The following KDM5B variants were observed in gnomAD, a reference collection of about 807,000 sequenced individuals.
KDM5B encodes the protein lysine demethylase 5B, also known as lysine-specific demethylase 5B.
Under a neutral mutation model 193.4 loss-of-function variants are expected in KDM5B, and 144 were observed. The ratio of observed to expected loss-of-function variants is 0.74; its 90% CI spans 0.65 to 0.86. The LOEUF (loss-of-function observed/expected upper bound fraction) is 0.86, where lower values mean the gene tolerates loss of function less well. Among genes scored for constraint, KDM5B ranks in the 40% least tolerant of loss-of-function variants. KDM5B has a pLI of 0.00. For synonymous variants in KDM5B, 668 were observed against 682.6 expected, an observed-to-expected ratio of 0.98 and a Z score of 0.33; for missense variants, 1,833 against 1,886.9, an observed-to-expected ratio of 0.97 and a Z score of 0.53.
At chr1:202,804,182 T>A (rs994743656) in intron 1 of KDM5B, among the ~76,000 whole-genome samples, 5 of 152,194 alleles carry the variant, frequency 3.3e-5, no homozygotes, top group Non-Finnish European at 7.4e-5. Context: ...GTTGTACAAC[T>A]CTGAAAATAT....
intron 1 of KDM5B, among the ~76,000 whole-genome samples, chr1:202,780,822 C>T (rs1657167203): frequency 6.7e-6 from 1 of 149,922 alleles, no homozygotes; most frequent in Non-Finnish European, 1.5e-5. Context: ...ATATATGTGG[C>T]AAAAGCTGTA....
At chr1:202,737,674 A>G (rs1419339134) in intron 20 of KDM5B, among the ~76,000 whole-genome samples, 1 of 152,226 alleles carries the variant, frequency 6.6e-6, no homozygotes, top group Non-Finnish European at 1.5e-5. Flanking sequence ...AATACAGAGA[A>G]CAGAACACTC....
At chr1:202,773,335 A>G (rs1656799348) in intron 3 of KDM5B, 47 bp from the exon 4 acceptor site, 13 of 1,526,432 alleles carry the variant, frequency 8.5e-6, no homozygotes, top group Non-Finnish European at 1.2e-5. Flanking sequence ...AGTCACTTCT[A>G]ATCACATCTA....
chr1:202,776,441 C>A (rs1221317523), intron 2 of KDM5B, among the ~76,000 whole-genome samples: 1 of 152,024 alleles, frequency 6.6e-6, no homozygotes, highest in Non-Finnish European at 1.5e-5. Flanking sequence ...CTTTGGGAGG[C>A]AGAGGCAGGA....
chr1:202,756,554 C>A (rs978339864), intron 9 of KDM5B, 38 bp from the exon 10 acceptor site: 2 of 1,520,954 alleles, frequency 1.3e-6, no homozygotes, highest in Admixed American at 2.1e-5. Context: ...AGTTTCCTCA[C>A]AAACTGTCTG....
At chr1:202,806,728 A>T (rs2102357723) in intron 1 of KDM5B, 1 of 152,284 alleles carries the variant, frequency 6.6e-6, no homozygotes, top group South Asian at 2.1e-4. Context: ...TAACGATTAC[A>T]AACAGAATCC....
At position 202,733,889 on chromosome 1, in the gene KDM5B, G is replaced by GAAAAAAAAAA; in HGVS notation, c.3424-4_3424-3insTTTTTTTTTT. 6.2e-7 allele frequency: 1 copy of GAAAAAAAAAA among 1,600,186 alleles called. No homozygotes were observed. The highest frequency in any genetic ancestry group is 1.7e-5 in the Admixed American group (1 of 57,588). On this transcript the variant is annotated splice_region_variant and splice_polypyrimidine_tract_variant and intron_variant, in intron 22 of 26. Transcript: ENST00000367265. ...CGAGCTTCCCCAAGAGTTGCCATCT[G>GAAAAAAAAAA]AAAAAGAGTTAACAATCAAGGATGA...
At chr1:202,729,262 T>C in intron 26 of KDM5B, 89 bp from the exon 27 acceptor site, 1 of 1,441,734 alleles carries the variant, frequency 6.9e-7, no homozygotes, top group Non-Finnish European at 9.6e-7. Flanking sequence ...TCAGGCCGTT[T>C]GCCAATAACA....
At position 202,728,983 on chromosome 1, in the gene KDM5B, C is replaced by T; in HGVS notation, c.*53G>A. 6.2e-7 allele frequency: 1 copy of T among 1,610,216 alleles called. No homozygotes were observed. Among genetic ancestry groups the T allele is most frequent in the Non-Finnish European group, 8.5e-7 (1 of 1,177,054 alleles). On this transcript the variant is annotated 3_prime_UTR_variant, in exon 27 of 27. Transcript: ENST00000367265. ...CTTTGCTGAGATTTGAAGAAATCCT[C>T]TTGGTTGGAGTCCTGAATTACATTA...
intron 1 of KDM5B, among the ~76,000 whole-genome samples, chr1:202,778,415 T>C (rs1657052310): frequency 6.6e-6 from 1 of 152,136 alleles, no homozygotes; most frequent in Non-Finnish European, 1.5e-5. Flanking sequence ...GGTTTCAGTC[T>C]GGGATAATGA....
intron 20 of KDM5B, among the ~76,000 whole-genome samples, chr1:202,740,254 G>A (rs1165423006): frequency 1.4e-5 from 2 of 145,472 alleles, no homozygotes; most frequent in Non-Finnish European, 3.1e-5. Context: ...CCTCCCTCCC[G>A]GACGGGGCGG....
chr1:202,728,949 G>T lies in KDM5B; in HGVS notation c.*87C>A. 6.6e-7 allele frequency: 1 copy of T among 1,509,650 alleles called. No homozygotes were observed. Among genetic ancestry groups the T allele is most frequent in the Non-Finnish European group, 9.2e-7 (1 of 1,090,058 alleles). The allele number at this position is 1,509,650 out of a possible 1,614,324, so 93.5% of individuals were successfully genotyped here. ...CGTTTACAGGCTGGCTTGAGTACCA[G>T]TCCTGTAGCTTTGCTGAGATTTGAA... On this transcript the variant is annotated 3_prime_UTR_variant, in exon 27 of 27. Coordinates refer to ENST00000367265, the MANE Select transcript of KDM5B (RefSeq NM_006618.5).
At chr1:202,749,232 C>G in intron 13 of KDM5B, 93 bp from the exon 14 acceptor site, 2 of 1,116,824 alleles carry the variant, frequency 1.8e-6, no homozygotes, top group Non-Finnish European at 2.5e-6. Flanking sequence ...CCAAACATCA[C>G]ACTATGGGTC....
intron 11 of KDM5B, among the ~76,000 whole-genome samples, chr1:202,754,012 ATGT>A (rs1384080739): frequency 1.3e-5 from 2 of 152,208 alleles, no homozygotes; most frequent in Non-Finnish European, 2.9e-5. Flanking sequence ...ACTTCAGGAT[ATGT>A]TGTTATCACA....
At chr1:202,777,142 C>A in intron 1 of KDM5B, 48 bp from the exon 2 acceptor site, 1 of 1,417,552 alleles carries the variant, frequency 7.1e-7, no homozygotes, top group South Asian at 1.2e-5. Flanking sequence ...AAGCATTTGA[C>A]ATTCAAAAAT....
chr1:202,804,254 GTT>G (rs67664728), intron 1 of KDM5B, among the ~76,000 whole-genome samples: 12 of 151,042 alleles, frequency 7.9e-5, no homozygotes, highest in Middle Eastern at 3.5e-3. Context: ...CAATAAAAGG[GTT>G]TTTTTTTTAA....
At chr1:202,760,733 C>A (rs973688352) in intron 7 of KDM5B, among the ~76,000 whole-genome samples, 160 bp from the exon 8 acceptor site, 5 of 152,164 alleles carry the variant, frequency 3.3e-5, no homozygotes, top group Admixed American at 1.3e-4. Flanking sequence ...AAATGTTTCA[C>A]TTTCTATGAA....
At chr1:202,800,366 C>T (rs577885346) in intron 1 of KDM5B, among the ~76,000 whole-genome samples, 1 of 148,604 alleles carries the variant, frequency 6.7e-6, no homozygotes, top group Non-Finnish European at 1.5e-5. Context: ...GTTTTTGAAA[C>T]GTCTTGCTCT....
intron 1 of KDM5B, among the ~76,000 whole-genome samples, chr1:202,801,150 C>T (rs1262860385): frequency 6.6e-6 from 1 of 152,154 alleles, no homozygotes; most frequent in Non-Finnish European, 1.5e-5. Context: ...CTATTCTTTA[C>T]ACTTTTGTGT....
Sources: allele counts gnomAD v4.1 joint callset (sites outside exome capture counted in the v4.1 genomes callset), GRCh38; gene constraint gnomAD v4.1.1; transcripts MANE v1.5; gene names NCBI Gene and HGNC (gene_info 2026-07-23, HGNC 2026-07-21).